WDR47: variants seen among roughly 807,000 people sequenced by gnomAD.
WDR47 encodes WD repeat-containing protein 47.
A neutral mutation model predicts 97.2 loss-of-function variants in WDR47; 32 were observed. The observed-to-expected ratio is 0.33, with a 90% CI of 0.25 to 0.44. The LOEUF (loss-of-function observed/expected upper bound fraction) is 0.44, where lower values mean the gene tolerates loss of function less well. Among genes scored for constraint, WDR47 ranks in the 20% least tolerant of loss-of-function variants. The probability of loss-of-function intolerance (pLI) is 1.00; values close to 1 mark genes in which losing one functional copy is unlikely to be tolerated. For synonymous variants in WDR47, 375 were observed against 373.5 expected (o/e 1.00, Z -0.05); for missense variants, 782 against 1,102.3 (o/e 0.71, Z 4.11).
chr1:109,015,490 A>AT (rs11463606), intron 3 of WDR47, among the ~76,000 whole-genome samples: 15,986 of 150,146 alleles, frequency 0.11, 969 homozygotes, highest in African/African-American at 0.15. Flanking sequence ...CATCCAGCCA[A>AT]TTTTTTTTTG....
At chr1:109,003,525 A>G (rs140555625) in intron 6 of WDR47, among the ~76,000 whole-genome samples, 5,470 of 152,266 alleles carry the variant, frequency 0.036, 119 homozygotes, top group Admixed American at 0.056. Flanking sequence ...TGTTTGAGAC[A>G]GAGTCTCACT....
chr1:108,972,533 CTG>C (rs1360230858), intron 14 of WDR47, among the ~76,000 whole-genome samples: 1 of 152,152 alleles, frequency 6.6e-6, no homozygotes, highest in African/African-American at 2.4e-5. Context: ...GAAGGGGATA[CTG>C]ATAATGGGGG....
chr1:109,031,071 AG>A (rs1315547812), intron 1 of WDR47, among the ~76,000 whole-genome samples: 1 of 140,334 alleles, frequency 7.1e-6, no homozygotes, highest in Non-Finnish European at 1.6e-5. Context: ...CGGGATAATC[AG>A]AAGCCTGTAA....
At chr1:109,034,592 T>TGTTA (rs1662808740) in intron 1 of WDR47, among the ~76,000 whole-genome samples, 1 of 152,206 alleles carries the variant, frequency 6.6e-6, no homozygotes, top group Non-Finnish European at 1.5e-5. Flanking sequence ...GTCCCGCTCC[T>TGTTA]GTTAGATCAG....
Position 109,011,000 on chromosome 1 carries a change from T to G in WDR47, c.1046A>C (p.His349Pro). 1 of 1,614,158 alleles carries G rather than the reference T, an allele frequency of 6.2e-7. No individual in the cohort carries two copies. Among genetic ancestry groups the G allele is most frequent in the Non-Finnish European group, 8.5e-7 (1 of 1,180,038 alleles). The change falls in exon 5 of 15, where the codon CAT (histidine) becomes CCT (proline). Residue 349 changes from histidine (H) to proline (P), a missense_variant. His to Pro is a moderately conservative substitution (Grantham distance 77, BLOSUM62 -2). Coordinates refer to ENST00000369962, the MANE Select transcript of WDR47 (RefSeq NM_001142551.2). ...ACTGAGGTTTTGTACCCCTGGATAATGGAAGTTAGCAAAGGAGTGTGACAT... is the reference window on the plus strand; with the variant it reads ...ACTGAGGTTTTGTACCCCTGGATAAGGGAAGTTAGCAAAGGAGTGTGACAT... The part of the protein sequence containing the change: ...SPMSHSFANF[H>P]YPGVQNLSRS...
In WDR47 at chr1:108,989,315, TTC is replaced by T. The variant is rs534241842; in HGVS notation, c.1767+1937_1767+1938del. ...GAAAATCACTTCAGCTCTGGATGTA[TTC>T]TGAGAGGTCTAGGACCCATAATGAC... On this transcript the variant is annotated intron_variant, in intron 9 of 14. Coordinates refer to ENST00000369962, the MANE Select transcript of WDR47 (RefSeq NM_001142551.2). Among the ~76,000 whole-genome samples the T allele has an allele frequency of 2.2e-4, 33 of 152,312 alleles. No individual in the cohort carries two copies. In the South Asian group the frequency reaches 5.4e-3, roughly 25 times the overall value.
chr1:108,992,960 G>A, intron 8 of WDR47: 1 of 708,932 alleles, frequency 1.4e-6, no homozygotes, highest in Admixed American at 2.8e-5. Flanking sequence ...CAACTTAAAA[G>A]GGCCCATGAA....
chr1:108,995,536 G>A, intron 8 of WDR47, 44 bp downstream of exon 8: 2 of 1,603,556 alleles, frequency 1.2e-6, no homozygotes, highest in Non-Finnish European at 1.7e-6. Flanking sequence ...CTAACCATTA[G>A]TAGTAAGTTA....
intron 13 of WDR47, among the ~76,000 whole-genome samples, chr1:108,980,670 A>G (rs1412372904): frequency 6.6e-6 from 1 of 152,126 alleles, no homozygotes; most frequent in Non-Finnish European, 1.5e-5. Flanking sequence ...CAAAGGTTGC[A>G]GTGAGCCAAG....
chr1:108,993,258 G>C (rs1348519497), intron 8 of WDR47, among the ~76,000 whole-genome samples: 2 of 151,948 alleles, frequency 1.3e-5, no homozygotes, highest in African/African-American at 2.4e-5. Flanking sequence ...CCAGGAGGCC[G>C]GGGGTTGCAG....
intron 13 of WDR47, 117 bp from the exon 14 acceptor site, chr1:108,974,871 T>C (rs1364985338): frequency 1.2e-6 from 1 of 819,946 alleles, no homozygotes; most frequent in African/African-American, 1.7e-5. Context: ...ATCAATACTA[T>C]TCAGCGATGA....
At chr1:109,009,570 T>C (rs139929864) in intron 5 of WDR47, among the ~76,000 whole-genome samples, 92 of 152,320 alleles carry the variant, frequency 6.0e-4, no homozygotes, top group Non-Finnish European at 1.1e-3. Flanking sequence ...AGTCATACAA[T>C]GAAATACTGC....
At chr1:109,004,519 A>C in intron 6 of WDR47, 73 bp downstream of exon 6, 1 of 1,469,008 alleles carries the variant, frequency 6.8e-7, no homozygotes, top group East Asian at 2.5e-5. Flanking sequence ...AATTCTTTTT[A>C]CATTCTAAGT....
chr1:108,998,475 C>T (rs1035827741), intron 7 of WDR47, among the ~76,000 whole-genome samples: 1 of 151,884 alleles, frequency 6.6e-6, no homozygotes, highest in Non-Finnish European at 1.5e-5. Context: ...GCACTCCAGC[C>T]TAGGCAACAG....
At chr1:108,975,473 T>C (rs1657814801) in intron 13 of WDR47, among the ~76,000 whole-genome samples, 2 of 151,788 alleles carry the variant, frequency 1.3e-5, no homozygotes, top group Admixed American at 6.6e-5. Flanking sequence ...ATACAAAAGT[T>C]AGCCGAACGG....
chr1:108,996,576 C>T (rs1659765790), intron 7 of WDR47, among the ~76,000 whole-genome samples: 1 of 152,182 alleles, frequency 6.6e-6, no homozygotes, highest in African/African-American at 2.4e-5. Flanking sequence ...CTTGAGCAAG[C>T]CATGATGAGT....
intron 1 of WDR47, among the ~76,000 whole-genome samples, chr1:109,029,199 G>T (rs956044145): frequency 9.2e-5 from 14 of 152,268 alleles, no homozygotes; most frequent in Admixed American, 4.6e-4. Context: ...ATTATTTTTA[G>T]AAATCTAAGA....
intron 1 of WDR47, among the ~76,000 whole-genome samples, chr1:109,028,680 T>G (rs1400806876): frequency 6.7e-6 from 1 of 149,466 alleles, no homozygotes; most frequent in African/African-American, 2.5e-5. Flanking sequence ...CTTGATCTCC[T>G]GATCTCGTCA....
chr1:109,035,517 A>G (rs1337118006), intron 1 of WDR47, among the ~76,000 whole-genome samples: 2 of 136,716 alleles, frequency 1.5e-5, no homozygotes, highest in Non-Finnish European at 1.6e-5. Context: ...TTTTTTTTTG[A>G]GACGGAGTCT....
Sources: allele counts gnomAD v4.1 joint callset (sites outside exome capture counted in the v4.1 genomes callset), GRCh38; gene constraint gnomAD v4.1.1; transcripts MANE v1.5; gene names NCBI Gene and HGNC (gene_info 2026-07-23, HGNC 2026-07-21).